Variants in PHACTR2 observed in about 807,000 individuals in gnomAD.
PHACTR2 encodes the protein phosphatase and actin regulator 2.
A neutral mutation model predicts 76.0 loss-of-function variants in PHACTR2; 30 were observed. That is an observed-to-expected ratio of 0.39 (90% CI 0.30 to 0.54). PHACTR2 has a LOEUF of 0.54. PHACTR2 is among the 20% of genes least tolerant of loss of function. The pLI, the probability that PHACTR2 is intolerant of heterozygous loss-of-function variation, is 0.61. For missense variants in PHACTR2, 696 were observed against 781.1 expected, an observed-to-expected ratio of 0.89 and a Z score of 1.30; for synonymous variants, 292 against 292.5, an observed-to-expected ratio of 1.00 and a Z score of 0.02.
chr6:143,822,762 G>A lies in PHACTR2; in HGVS notation c.1923-912G>A, dbSNP rs1457359177. 6.6e-6 allele frequency among the ~76,000 whole-genome samples: 1 copy of A among 152,208 alleles called. No individual in the cohort carries two copies. The highest frequency in any genetic ancestry group is 1.5e-5 in the Non-Finnish European group (1 of 68,038). ...TGATCACTTAAGGCTTTATGGAGAA[G>A]ATAACTTTTGACCTTGATCTTGAAA... On this transcript the variant is annotated intron_variant, in intron 12 of 12. Coordinates refer to ENST00000440869, the MANE Select transcript of PHACTR2 (RefSeq NM_001100164.2). The surrounding 1 kb of genome is among the most constrained non-coding windows in gnomAD (Gnocchi z 5.5).
chr6:143,614,690 A>G (rs756727962), intron 1 of PHACTR2, among the ~76,000 whole-genome samples: 2 of 152,198 alleles, frequency 1.3e-5, no homozygotes, highest in Non-Finnish European at 2.9e-5. Context: ...GATTGTTTAG[A>G]AATTAAATAT....
At chr6:143,717,108 A>G (rs1276731993) in intron 2 of PHACTR2, among the ~76,000 whole-genome samples, 1 of 152,182 alleles carries the variant, frequency 6.6e-6, no homozygotes. Context: ...CTATTCGTCC[A>G]TAGCTCTTGG....
intron 1 of PHACTR2, among the ~76,000 whole-genome samples, chr6:143,574,045 G>A (rs939751587): frequency 2.6e-5 from 4 of 152,162 alleles, no homozygotes; most frequent in African/African-American, 9.7e-5. Context: ...CACACTCAAG[G>A]TGTCAGCTGG....
At chr6:143,605,006 T>G (rs181993236), upstream of PHACTR2, among the ~76,000 whole-genome samples, 47 of 147,810 alleles carry the variant, frequency 3.2e-4, 1 homozygote, top group Admixed American at 1.7e-3. The surrounding 1 kb of genome is among the most constrained non-coding windows in gnomAD (Gnocchi z 5.0). Flanking sequence ...TTTTTTTTTG[T>G]AGAAAGATGT....
rs1401627787 is a variant in PHACTR2, at chr6:143,652,874, C to G, written c.13+44552C>G. Among the ~76,000 whole-genome samples the G allele has an allele frequency of 6.6e-6, 1 of 152,204 alleles. No individual in the cohort carries two copies. On this transcript the variant is annotated intron_variant, in intron 1 of 11. Transcript: ENST00000305766. The surrounding 1 kb of genome is among the most constrained non-coding windows in gnomAD (Gnocchi z 4.5). Reference sequence around the variant, plus strand: ...ATTCAGTCACTTTGTAGCAGCCACTCTAAGGAGGATGATTCATGGTCCCTG... The same window carrying G: ...ATTCAGTCACTTTGTAGCAGCCACTGTAAGGAGGATGATTCATGGTCCCTG...
Position 143,831,148 on chromosome 6 carries a change from G to C in PHACTR2, c.*7459G>C, listed in dbSNP as rs1409500118. 1 of 151,882 alleles carries C rather than the reference G, an allele frequency of 6.6e-6. No homozygotes were observed. The highest frequency in any genetic ancestry group is 6.6e-5 in the Admixed American group (1 of 15,260). The allele number at this position is 151,882 out of a possible 1,614,324, so 9.4% of individuals were successfully genotyped here. ...GTAAACATAAAAGATAGTCCATTTA[G>C]AGTTTATAATATAGAAAATAAACAG... is the stretch of plus-strand genomic sequence containing the variant. On this transcript the variant is annotated 3_prime_UTR_variant, in exon 13 of 13. Transcript: ENST00000440869. This position sits in a 1 kb window ranked among gnomAD's most constrained non-coding sequence, Gnocchi z 5.2.
intron 1 of PHACTR2, among the ~76,000 whole-genome samples, chr6:143,586,301 T>C (rs775136306): frequency 6.6e-6 from 1 of 152,254 alleles, no homozygotes; most frequent in Non-Finnish European, 1.5e-5. Context: ...ACCATCACAC[T>C]TTACTTTTTG....
intron 1 of PHACTR2, among the ~76,000 whole-genome samples, chr6:143,572,769 T>G (rs1775461815): frequency 6.6e-6 from 1 of 152,178 alleles, no homozygotes; most frequent in Admixed American, 6.5e-5. Flanking sequence ...GCCAGGCTGG[T>G]CTCAAACTCC....
At chr6:143,542,819 G>GT (rs1159080195) in intron 1 of PHACTR2, among the ~76,000 whole-genome samples, 13 of 152,168 alleles carry the variant, frequency 8.5e-5, no homozygotes, top group African/African-American at 2.9e-4. Flanking sequence ...TGCCCCATAG[G>GT]TGCCTCTGGA....
chr6:143,724,697 C>T (rs1421583297), intron 2 of PHACTR2, among the ~76,000 whole-genome samples: 2 of 152,210 alleles, frequency 1.3e-5, no homozygotes, highest in Non-Finnish European at 1.5e-5. Context: ...AGCCCCTCAA[C>T]AAACTGGGCC....
In PHACTR2 at chr6:143,700,464, A is replaced by G. The variant is rs1777882876; in HGVS notation, c.47-11552A>G. ...CAGCTACTCGGGAGGCTGAGGCAAG[A>G]GAATCACTTGGACCCAGGAGCCGGA... is the stretch of plus-strand genomic sequence containing the variant. On this transcript the variant is annotated intron_variant, in intron 1 of 12. Transcript: ENST00000440869. This position sits in a 1 kb window ranked among gnomAD's most constrained non-coding sequence, Gnocchi z 4.1. Among the ~76,000 whole-genome samples, 1 of 152,274 alleles carries G rather than the reference A, an allele frequency of 6.6e-6. No individual in the cohort carries two copies. The highest frequency in any genetic ancestry group is 1.5e-5 in the Non-Finnish European group (1 of 68,026).
At position 143,554,205 on chromosome 6, in the gene PHACTR2, ACAGTAACTAGC is replaced by A. The variant is rs1352626110; in HGVS notation, c.217+17001_217+17011del. The A allele has an allele frequency of 2.0e-5, 3 of 152,332 alleles. No homozygotes were observed. The highest frequency in any genetic ancestry group is 3.9e-4 in the East Asian group (2 of 5,188). The allele number at this position is 152,332 out of a possible 1,614,324, so 9.4% of individuals were successfully genotyped here. A position where few individuals can be genotyped will look rare whatever the true frequency, so the allele number is the denominator to read the frequency against. On this transcript the variant is annotated intron_variant, in intron 1 of 11. Transcript: ENST00000367584. This position sits in a 1 kb window ranked among gnomAD's most constrained non-coding sequence, Gnocchi z 5.9. ...GGTGTCTGCTTCTTCTCAGGAAGGG[ACAGTAACTAGC>A]CAATTGATGGAGATTTTAACATTAC... is the stretch of plus-strand genomic sequence containing the variant.
intron 1 of PHACTR2, among the ~76,000 whole-genome samples, chr6:143,620,094 C>T (rs1776126466): frequency 6.6e-6 from 1 of 152,106 alleles, no homozygotes. Context: ...TTGAAAAAAG[C>T]CAGATAGTTG....
chr6:143,819,077 C>G lies in PHACTR2; in HGVS notation c.1923-4597C>G, dbSNP rs975190366. The stretch of plus-strand genomic sequence containing the variant: ...TTTAGGGGCTTCTGATTGGACTCCT[C>G]AGTCATATAGAATTATTTATAGAGC... On this transcript the variant is annotated intron_variant, in intron 12 of 12. Coordinates refer to ENST00000440869, the MANE Select transcript of PHACTR2 (RefSeq NM_001100164.2). The surrounding 1 kb of genome is among the most constrained non-coding windows in gnomAD (Gnocchi z 5.0). Among the ~76,000 whole-genome samples, 1 of 152,096 alleles carries G rather than the reference C, an allele frequency of 6.6e-6. No homozygotes were observed. Among genetic ancestry groups the G allele is most frequent in the Non-Finnish European group, 1.5e-5 (1 of 68,012 alleles).
At chr6:143,576,875 CAA>C (rs35937662) in intron 1 of PHACTR2, among the ~76,000 whole-genome samples, 73 of 102,496 alleles carry the variant, frequency 7.1e-4, no homozygotes, top group Middle Eastern at 5.5e-3. Flanking sequence ...GACTCTGTCT[CAA>C]AAAAAAAAAA....
Position 143,654,711 on chromosome 6 carries a change from G to A in PHACTR2, c.13+46389G>A, listed in dbSNP as rs1193827693. Among the ~76,000 whole-genome samples the A allele has an allele frequency of 6.6e-6, 1 of 152,120 alleles. No individual in the cohort carries two copies. Among genetic ancestry groups the A allele is most frequent in the Non-Finnish European group, 1.5e-5 (1 of 68,040 alleles). ...CCTAGTGACTTGGGAGGCTGAGGTT[G>A]GAGGACTGCTTAAGCCCAGGAGTTC... On this transcript the variant is annotated intron_variant, in intron 1 of 11. Coordinates refer to the PHACTR2 transcript ENST00000305766. The surrounding 1 kb of genome is among the most constrained non-coding windows in gnomAD (Gnocchi z 4.6).
In PHACTR2 at chr6:143,592,841, A is replaced by G. The variant is rs1213078951; in HGVS notation, c.217+55634A>G. Among the ~76,000 whole-genome samples, 2 of 151,958 alleles carry G rather than the reference A, an allele frequency of 1.3e-5. No homozygotes were observed. The highest frequency in any genetic ancestry group is 3.9e-4 in the East Asian group (2 of 5,176). On this transcript the variant is annotated intron_variant, in intron 1 of 11. Coordinates refer to the PHACTR2 transcript ENST00000367584. The surrounding 1 kb of genome is among the most constrained non-coding windows in gnomAD (Gnocchi z 4.0). ...GGCGAGCAGATTACTTGAGCCTAGG[A>G]GTTTGAGACCCAGGCTGCAAAATGG... is the stretch of plus-strand genomic sequence containing the variant.
At chr6:143,759,187 T>A (rs1779374414) in intron 4 of PHACTR2, among the ~76,000 whole-genome samples, 1 of 152,252 alleles carries the variant, frequency 6.6e-6, no homozygotes, top group South Asian at 2.1e-4. Flanking sequence ...AAGAGACTAA[T>A]ACTCTTTCTC....
At chr6:143,613,381 A>G (rs1307405824) in intron 1 of PHACTR2, among the ~76,000 whole-genome samples, 1 of 152,260 alleles carries the variant, frequency 6.6e-6, no homozygotes, top group Non-Finnish European at 1.5e-5. Context: ...CTGTTTTAAA[A>G]TAAAAATGCC....
Sources: gnomAD v4.1 joint callset for allele counts (sites outside exome capture counted in the v4.1 genomes callset) on GRCh38, gnomAD v4.1.1 for gene constraint, Gnocchi (gnomAD v3.1) non-coding constraint, MANE v1.5 for transcripts, NCBI Gene and HGNC (gene_info 2026-07-23, HGNC 2026-07-21) for gene names.